Variants in CNNM2 observed in about 807,000 individuals in gnomAD.
CNNM2 encodes cyclin and CBS domain divalent metal cation transport mediator 2.
CNNM2 carries 12 observed loss-of-function variants against 66.9 expected under a neutral mutation model. The ratio of observed to expected loss-of-function variants is 0.18; its 90% confidence interval spans 0.11 to 0.29. The LOEUF is 0.29. CNNM2 is among the 10% of genes least tolerant of loss of function. The probability of loss-of-function intolerance (pLI) is 1.00; values close to 1 mark genes in which losing one functional copy is unlikely to be tolerated. For synonymous variants in CNNM2, 557 were observed against 501.8 expected (o/e 1.11, Z -1.47); for missense variants, 705 against 1,167.7 (o/e 0.60, Z 5.77).
intron 1 of CNNM2, among the ~76,000 whole-genome samples, chr10:103,036,407 A>G: frequency 6.6e-6 from 1 of 152,204 alleles, no homozygotes; most frequent in South Asian, 2.1e-4. Flanking sequence ...CAACCCATGA[A>G]GTCCCATTAG....
At chr10:103,071,743 C>G (rs374890180) in intron 5 of CNNM2, 31 bp from the exon 6 acceptor site, 4 of 1,579,766 alleles carry the variant, frequency 2.5e-6, no homozygotes, top group Non-Finnish European at 2.6e-6. Context: ...CCTTTTGATG[C>G]GATCTCACCC....
At chr10:103,016,559 G>A (rs1042474705) in intron 1 of CNNM2, among the ~76,000 whole-genome samples, 1 of 152,094 alleles carries the variant, frequency 6.6e-6, no homozygotes, top group Non-Finnish European at 1.5e-5. Context: ...CTTGTTTCCT[G>A]TGTCATTTGC....
At chr10:103,061,731 TAA>T (rs2065389372) in intron 4 of CNNM2, among the ~76,000 whole-genome samples, 1 of 152,194 alleles carries the variant, frequency 6.6e-6, no homozygotes, top group Non-Finnish European at 1.5e-5. Context: ...AATTTCTAAA[TAA>T]AATGGTAGCA....
chr10:103,017,480 G>T (rs188657115), intron 1 of CNNM2, among the ~76,000 whole-genome samples: 15 of 152,274 alleles, frequency 9.9e-5, no homozygotes, highest in African/African-American at 3.4e-4. Flanking sequence ...ATAGTGACTG[G>T]GCAGGGGAAC....
intron 1 of CNNM2, among the ~76,000 whole-genome samples, chr10:102,923,538 T>A (rs899171011): frequency 6.6e-6 from 1 of 152,166 alleles, no homozygotes; most frequent in Admixed American, 6.5e-5. Flanking sequence ...GGTTTGACAT[T>A]TCTATTTTAC....
At chr10:102,979,789 T>C (rs2063691504) in intron 1 of CNNM2, among the ~76,000 whole-genome samples, 1 of 42,294 alleles carries the variant, frequency 2.4e-5, no homozygotes. Context: ...TAAAAATTAC[T>C]TAATTTTAAT....
chr10:102,929,146 G>A (rs1254484345), intron 1 of CNNM2, among the ~76,000 whole-genome samples: 2 of 152,174 alleles, frequency 1.3e-5, no homozygotes, highest in Non-Finnish European at 2.9e-5. Flanking sequence ...TGTAGTCCCA[G>A]CTACTTAGGA....
At chr10:103,028,814 CTTTTTT>C in intron 1 of CNNM2, among the ~76,000 whole-genome samples, 1 of 126,188 alleles carries the variant, frequency 7.9e-6, no homozygotes, top group South Asian at 2.5e-4. Context: ...TTTTCTTTTT[CTTTTTT>C]TTTTTTTCTT....
chr10:102,971,723 T>C (rs557279440), intron 1 of CNNM2, among the ~76,000 whole-genome samples: 4 of 152,362 alleles, frequency 2.6e-5, no homozygotes, highest in Admixed American at 2.0e-4. Context: ...TACCATAATC[T>C]ACTTAACTGT....
chr10:103,076,367 C>G, intron 7 of CNNM2, 97 bp downstream of exon 7: 8 of 1,228,428 alleles, frequency 6.5e-6, no homozygotes, highest in Non-Finnish European at 9.2e-6. Context: ...TCAGAACTCT[C>G]CCTTTGTCAC....
intron 1 of CNNM2, among the ~76,000 whole-genome samples, chr10:102,979,187 T>C (rs2063683074): frequency 6.6e-6 from 1 of 152,342 alleles, no homozygotes; most frequent in Non-Finnish European, 1.5e-5. Context: ...GGTTCGGGCT[T>C]TGTATTACCA....
chr10:102,974,960 A>G (rs1236359217), intron 1 of CNNM2, among the ~76,000 whole-genome samples: 3 of 152,232 alleles, frequency 2.0e-5, no homozygotes, highest in South Asian at 2.1e-4. Flanking sequence ...CTTTGGAGAC[A>G]TGAGAACTTG....
chr10:102,963,842 T>G (rs2063419986), intron 1 of CNNM2, among the ~76,000 whole-genome samples: 2 of 152,224 alleles, frequency 1.3e-5, no homozygotes, highest in African/African-American at 4.8e-5. Context: ...AGGTGATAAG[T>G]GCCCAAAGGG....
intron 4 of CNNM2, among the ~76,000 whole-genome samples, chr10:103,060,888 T>G (rs569735672): frequency 6.6e-6 from 1 of 152,208 alleles, no homozygotes; most frequent in South Asian, 2.1e-4. Flanking sequence ...ATAAAAGTCC[T>G]AAATAGCAAC....
Position 103,077,224 on chromosome 10 carries a change from C to A in CNNM2, c.*44C>A, listed in dbSNP as rs940865374. The A allele has an allele frequency of 5.7e-6, 9 of 1,567,820 alleles. No individual in the cohort carries two copies. The highest frequency in any genetic ancestry group is 7.8e-6 in the Non-Finnish European group (9 of 1,146,730). On this transcript the variant is annotated 3_prime_UTR_variant, in exon 8 of 8. Coordinates refer to ENST00000369878, the MANE Select transcript of CNNM2 (RefSeq NM_017649.5). ...GCCCAGGCCCGCACCCGCCCAGTCC[C>A]GAGGGCCCGGCCCTGTCTGCCCATG...
At chr10:103,007,196 G>A (rs897041274) in intron 1 of CNNM2, among the ~76,000 whole-genome samples, 15 of 152,152 alleles carry the variant, frequency 9.9e-5, no homozygotes, top group African/African-American at 1.7e-4. Context: ...GGGCCTGTAC[G>A]AACAGGGAGT....
chr10:102,928,185 T>C (rs151238559), intron 1 of CNNM2, among the ~76,000 whole-genome samples: 244 of 152,392 alleles, frequency 1.6e-3, no homozygotes, highest in Non-Finnish European at 9.8e-4. Context: ...TGGCACTTTG[T>C]GCTTAACCAG....
chr10:102,960,757 CT>C (rs1407478974), intron 1 of CNNM2, among the ~76,000 whole-genome samples: 1 of 144,266 alleles, frequency 6.9e-6, no homozygotes, highest in African/African-American at 2.6e-5. Context: ...GTAGCTGAGA[CT>C]GTAGGTATGT....
In CNNM2 at chr10:103,077,477, A is replaced by T; in HGVS notation, c.*297A>T. On this transcript the variant is annotated 3_prime_UTR_variant, in exon 8 of 8. Coordinates refer to ENST00000369878, the MANE Select transcript of CNNM2 (RefSeq NM_017649.5). ...AGCTCTCCCTTTTATCATTATTCAC[A>T]CTCCTCTGCCCTCGATTTGCATGAA... is the stretch of plus-strand genomic sequence containing the variant. The T allele has an allele frequency of 2.7e-6, 1 of 375,320 alleles. No homozygotes were observed. The highest frequency in any genetic ancestry group is 4.9e-6 in the Non-Finnish European group (1 of 205,830). 23.2% of individuals were successfully genotyped at this position (375,320 alleles called of 1,614,324 possible). A position where few individuals can be genotyped will look rare whatever the true frequency, so the allele number is the denominator to read the frequency against.
Sources: gnomAD v4.1 joint callset for allele counts (sites outside exome capture counted in the v4.1 genomes callset) on GRCh38, gnomAD v4.1.1 for gene constraint, MANE v1.5 for transcripts, NCBI Gene and HGNC (gene_info 2026-07-23, HGNC 2026-07-21) for gene names.